PPP2R5C: variants seen among roughly 807,000 people sequenced by gnomAD.
PPP2R5C encodes protein phosphatase 2 regulatory subunit B'gamma, also known as serine/threonine-protein phosphatase 2A 56 kDa regulatory subunit gamma isoform.
A neutral mutation model predicts 68.9 loss-of-function variants in PPP2R5C; 7 were observed. That is an observed-to-expected ratio of 0.10 (90% CI 0.06 to 0.19). The LOEUF is 0.19. Among genes scored for constraint, PPP2R5C ranks in the 10% least tolerant of loss-of-function variants. The pLI is 1.00. For missense variants in PPP2R5C, 348 were observed against 641.3 expected, an observed-to-expected ratio of 0.54 and a Z score of 4.94; for synonymous variants, 210 against 222.2, an observed-to-expected ratio of 0.95 and a Z score of 0.49.
chr14:101,859,723 C>T (rs2042645846), intron 2 of PPP2R5C, among the ~76,000 whole-genome samples: 1 of 152,144 alleles, frequency 6.6e-6, no homozygotes, highest in African/African-American at 2.4e-5. Flanking sequence ...AGTGCCTGGG[C>T]CTGGTGTGGC....
chr14:101,840,255 G>A (rs186186331), intron 1 of PPP2R5C, among the ~76,000 whole-genome samples: 1 of 151,804 alleles, frequency 6.6e-6, no homozygotes, highest in East Asian at 1.9e-4. Flanking sequence ...TCTGGGATTT[G>A]CTGCTGGCAC....
chr14:101,814,828 A>G (rs147455623), intron 1 of PPP2R5C, among the ~76,000 whole-genome samples: 4 of 152,344 alleles, frequency 2.6e-5, no homozygotes, highest in Admixed American at 6.5e-5. Context: ...TGGATCCTAC[A>G]GCACTTTGCC....
intron 5 of PPP2R5C, 41 bp from the exon 8 acceptor site, chr14:101,890,196 A>C: frequency 6.5e-7 from 1 of 1,528,114 alleles, no homozygotes; most frequent in South Asian, 1.1e-5. Context: ...TATTCAGGTT[A>C]GTTCAGTGTC....
intron 2 of PPP2R5C, among the ~76,000 whole-genome samples, chr14:101,775,508 C>T (rs891850441): frequency 6.6e-6 from 1 of 152,166 alleles, no homozygotes; most frequent in South Asian, 2.1e-4. Flanking sequence ...CTTGGACATT[C>T]GGGCTTGCTG....
At chr14:101,771,455 G>T (rs2037148811) in intron 2 of PPP2R5C, among the ~76,000 whole-genome samples, 1 of 152,050 alleles carries the variant, frequency 6.6e-6, no homozygotes, top group African/African-American at 2.4e-5. Flanking sequence ...GAGCAGCTGG[G>T]CACGGTGGCT....
intron 1 of PPP2R5C, among the ~76,000 whole-genome samples, chr14:101,847,249 A>G (rs898958803): frequency 4.6e-5 from 7 of 152,234 alleles, no homozygotes; most frequent in Non-Finnish European, 7.3e-5. Flanking sequence ...AGTATGATTA[A>G]TGTAGGGTAT....
intron 2 of PPP2R5C, among the ~76,000 whole-genome samples, chr14:101,858,900 C>T (rs1231334353): frequency 1.3e-5 from 2 of 152,194 alleles, no homozygotes; most frequent in Non-Finnish European, 2.9e-5. Context: ...TTCACAGTAG[C>T]AGTGTGGGTT....
At chr14:101,925,490 C>A (rs1007282503) in exon 14 of PPP2R5C, 1 of 721,026 alleles carries the variant, frequency 1.4e-6, no homozygotes, top group Non-Finnish European at 2.1e-6. Flanking sequence ...ACGACGGTGT[C>A]CTCGCAGTGT....
chr14:101,770,844 T>C (rs1327521522), intron 2 of PPP2R5C, among the ~76,000 whole-genome samples: 1 of 152,224 alleles, frequency 6.6e-6, no homozygotes, highest in Non-Finnish European at 1.5e-5. Context: ...CGGAGCTGAG[T>C]GAGTCAGTCT....
At chr14:101,810,241 T>G in intron 1 of PPP2R5C, 1 of 564,766 alleles carries the variant, frequency 1.8e-6, no homozygotes, top group Non-Finnish European at 3.1e-6. Flanking sequence ...GAAAGAGGCC[T>G]TGCATGCATA....
intron 9 of PPP2R5C, among the ~76,000 whole-genome samples, chr14:101,902,820 A>G (rs558991009): frequency 2.6e-5 from 4 of 152,288 alleles, no homozygotes; most frequent in South Asian, 4.1e-4. Context: ...AAACTAAGAC[A>G]AGAAGGCAAG....
intron 1 of PPP2R5C, among the ~76,000 whole-genome samples, chr14:101,838,519 C>T (rs1435030577): frequency 6.6e-6 from 1 of 152,214 alleles, no homozygotes; most frequent in Non-Finnish European, 1.5e-5. Flanking sequence ...CTCTCATATG[C>T]TCTATATGTT....
chr14:101,917,113 G>A lies in PPP2R5C; in HGVS notation c.1327-718G>A, dbSNP rs2046715585. 2.0e-5 allele frequency among the ~76,000 whole-genome samples: 3 copies of A among 152,042 alleles called. No homozygotes were observed. The highest frequency in any genetic ancestry group is 6.6e-5 in the Admixed American group (1 of 15,262). ...CATGGAACCCTCACAGCCACCCTCC[G>A]GGGTGACCTTACCCCCGCACTACAC... On this transcript the variant is annotated intron_variant, in intron 12 of 13. Transcript: ENST00000334743. This position sits in a 1 kb window ranked among gnomAD's most constrained non-coding sequence, Gnocchi z 4.4.
chr14:101,906,434 T>C lies in PPP2R5C; in HGVS notation c.1056T>C (p.Asn352=), dbSNP rs2046026628. 2 of 1,610,016 alleles carry C rather than the reference T, an allele frequency of 1.2e-6. No homozygotes were observed. The highest frequency in any genetic ancestry group is 4.5e-5 in the East Asian group (2 of 44,836). The change falls in exon 10 of 14, where the codon AAT becomes AAC. Residue 352 remains asparagine, a synonymous_variant. Coordinates refer to ENST00000334743, the Ensembl canonical transcript of PPP2R5C. This position sits in a 1 kb window ranked among gnomAD's most constrained non-coding sequence, Gnocchi z 4.0. The stretch of plus-strand genomic sequence containing the variant: ...AGCGAGCTCTCTATTACTGGAATAA[T>C]GAATACATCATGAGTTTAATCAGTG...
chr14:101,852,868 T>G (rs1229375136), intron 1 of PPP2R5C, among the ~76,000 whole-genome samples: 1 of 152,194 alleles, frequency 6.6e-6, no homozygotes, highest in African/African-American at 2.4e-5. Context: ...AGTATGTCCA[T>G]GTATATTGCT....
chr14:101,871,738 C>T (rs139499203), intron 2 of PPP2R5C, among the ~76,000 whole-genome samples: 77 of 151,638 alleles, frequency 5.1e-4, no homozygotes, highest in African/African-American at 1.8e-3. Flanking sequence ...TTATGATTCC[C>T]TTCTATCTCA....
intron 13 of PPP2R5C, 148 bp from the exon 16 acceptor site, chr14:101,924,993 C>G (rs1304901584): frequency 2.3e-5 from 20 of 875,518 alleles, no homozygotes; most frequent in African/African-American, 3.4e-5. Context: ...ATGATAAGAC[C>G]TACGCCGTTT....
At chr14:101,770,071 G>T (rs1296189370) in intron 2 of PPP2R5C, among the ~76,000 whole-genome samples, 1 of 152,134 alleles carries the variant, frequency 6.6e-6, no homozygotes, top group Non-Finnish European at 1.5e-5. Flanking sequence ...ACATAGAAAA[G>T]ATACCATAAA....
At chr14:101,852,469 CTTTT>C (rs559509845) in intron 1 of PPP2R5C, among the ~76,000 whole-genome samples, 2 of 115,096 alleles carry the variant, frequency 1.7e-5, no homozygotes, top group Non-Finnish European at 1.8e-5. Flanking sequence ...TTTTCTTTTT[CTTTT>C]TTTTTTTTTT....
Sources: gnomAD v4.1 joint callset for allele counts (sites outside exome capture counted in the v4.1 genomes callset) on GRCh38, gnomAD v4.1.1 for gene constraint, Gnocchi (gnomAD v3.1) non-coding constraint, MANE v1.5 for transcripts, NCBI Gene and HGNC (gene_info 2026-07-23, HGNC 2026-07-21) for gene names.